Variants in SPTB observed in about 807,000 individuals in gnomAD.
SPTB encodes the protein spectrin beta chain, erythrocytic.
In SPTB, 45 loss-of-function variants were observed where a neutral mutation model predicts 256.2. The observed-to-expected ratio is 0.18, with a 90% CI of 0.14 to 0.23. The LOEUF (loss-of-function observed/expected upper bound fraction) is 0.23. Among genes scored for constraint, SPTB ranks in the 10% least tolerant of loss-of-function variants. SPTB has a pLI of 1.00. For missense variants in SPTB, 2,715 were observed against 3,040.4 expected (o/e 0.89, Z 2.52); for synonymous variants, 1,231 against 1,243.1 (o/e 0.99, Z 0.21).
intron 29 of SPTB, chr14:64,768,165 C>T: frequency 4.4e-6 from 2 of 454,352 alleles, no homozygotes; most frequent in South Asian, 4.1e-5. Context: ...TCTCAGCCTA[C>T]CAAGTGGCTG....
chr14:64,835,774 T>C (rs978256845), intron 1 of SPTB, among the ~76,000 whole-genome samples: 16 of 152,210 alleles, frequency 1.1e-4, no homozygotes, highest in Non-Finnish European at 1.9e-4. Flanking sequence ...TTTATGTATA[T>C]TGTTCCATTG....
chr14:64,773,148 G>A (rs1320430889), intron 25 of SPTB, 72 bp downstream of exon 25: 2 of 1,593,360 alleles, frequency 1.3e-6, no homozygotes, highest in East Asian at 2.2e-5. Flanking sequence ...CACTCTGTGT[G>A]TCTTGAGTGA....
At position 64,834,913 on chromosome 14, in the gene SPTB, T is replaced by C. The variant is rs565317675; in HGVS notation, c.-51-11768A>G. Among the ~76,000 whole-genome samples, 4 of 152,344 alleles carry C rather than the reference T, an allele frequency of 2.6e-5. No homozygotes were observed. In the South Asian group the frequency reaches 8.3e-4, roughly 32 times the overall value. ...TCTCGTGTCACAGAAATGTCAGTCTTAGAATGGTTTCCATCCATACATATT... is the reference window on the plus strand; with the variant it reads ...TCTCGTGTCACAGAAATGTCAGTCTCAGAATGGTTTCCATCCATACATATT... On this transcript the variant is annotated intron_variant, in intron 1 of 35. Coordinates refer to ENST00000644917, the MANE Select transcript of SPTB (RefSeq NM_001355436.2).
In SPTB at chr14:64,851,478, T is replaced by C. The variant is rs113746266; in HGVS notation, c.-52+28314A>G. ...GCAGTAGCAGTAGTAGTAGTAGTAG[T>C]AGCAGTAGCAGCAGCAGCAGCAGTA... On this transcript the variant is annotated intron_variant, in intron 1 of 35. Coordinates refer to ENST00000644917, the MANE Select transcript of SPTB (RefSeq NM_001355436.2). 2.6e-5 allele frequency among the ~76,000 whole-genome samples: 4 copies of C among 152,094 alleles called. No homozygotes were observed. The East Asian group carries it at 7.7e-4, about 29-fold the overall frequency.
chr14:64,813,980 A>C (rs2083140315), intron 2 of SPTB, among the ~76,000 whole-genome samples: 1 of 152,252 alleles, frequency 6.6e-6, no homozygotes, highest in Non-Finnish European at 1.5e-5. Context: ...CAGTTAGGGA[A>C]GGAATTTTCC....
intron 15 of SPTB, among the ~76,000 whole-genome samples, chr14:64,788,984 G>A (rs1380046526): frequency 6.6e-6 from 1 of 152,182 alleles, no homozygotes; most frequent in African/African-American, 2.4e-5. Context: ...GTTCACTCAT[G>A]TACTAAGCAT....
intron 2 of SPTB, among the ~76,000 whole-genome samples, chr14:64,815,390 C>T (rs945713501): frequency 2.6e-5 from 4 of 152,204 alleles, no homozygotes; most frequent in East Asian, 1.9e-4. Flanking sequence ...TTTAAAACCC[C>T]GGGATCCTAG....
At position 64,773,303 on chromosome 14, in the gene SPTB, T is replaced by G; in HGVS notation, c.5095A>C (p.Thr1699Pro). ...GAAATCCACTGCTCCAGGTCGTCGG[T>G]CTCCCGCTTGAGCTGGAACAGGTGG... ...MYHLFQLKRE[T>P]DDLEQWISEK... Residue 1699 changes from threonine to proline, a missense_variant, in exon 25 of 36, where the codon ACC becomes CCC. Transcript: ENST00000644917. 1 of 1,614,114 alleles carries G rather than the reference T, an allele frequency of 6.2e-7. No homozygotes were observed. The highest frequency in any genetic ancestry group is 1.1e-5 in the South Asian group (1 of 91,082).
rs779468634 is a variant in SPTB at position 64,774,365 on chromosome 14, C to T, written c.4973+32G>A. ...TGGGCCCCTGGCTCAATCCCCATCT[C>T]CTGACCGAGTCACCACAGGGGGCGC... On this transcript the variant is annotated intron_variant, in intron 24 of 35. Coordinates refer to ENST00000644917, the MANE Select transcript of SPTB (RefSeq NM_001355436.2). The T allele has an allele frequency of 3.2e-6, 5 of 1,575,584 alleles. No individual in the cohort carries two copies. The East Asian group carries it at 1.2e-4, about 36-fold the overall frequency.
At position 64,784,403 on chromosome 14, in the gene SPTB, T is replaced by C. The variant is rs1412059469; in HGVS notation, c.3856-10A>G. The C allele has an allele frequency of 1.9e-6, 3 of 1,614,070 alleles. No individual in the cohort carries two copies. Among genetic ancestry groups the C allele is most frequent in the East Asian group, 4.5e-5 (2 of 44,884 alleles). ...TGATCCAGAGAGTGAGCTGTGTGCA[T>C]AAAGAGTGGGCTGACTATCCCTGAG... On this transcript the variant is annotated splice_polypyrimidine_tract_variant and intron_variant, in intron 18 of 35. Coordinates refer to ENST00000644917, the MANE Select transcript of SPTB (RefSeq NM_001355436.2).
chr14:64,870,556 T>A (rs535659733), intron 1 of SPTB, among the ~76,000 whole-genome samples: 58 of 152,324 alleles, frequency 3.8e-4, no homozygotes, highest in African/African-American at 1.3e-3. Context: ...GGCACACTAA[T>A]AAATGAACAA....
At chr14:64,812,424 GGCCC>G (rs1010627594) in intron 2 of SPTB, among the ~76,000 whole-genome samples, 5 of 152,146 alleles carry the variant, frequency 3.3e-5, no homozygotes, top group African/African-American at 1.2e-4. Context: ...CAGGAGCATT[GGCCC>G]CTGGATGCAA....
At chr14:64,828,477 A>G (rs2083405845) in intron 1 of SPTB, among the ~76,000 whole-genome samples, 1 of 152,242 alleles carries the variant, frequency 6.6e-6, no homozygotes, top group African/African-American at 2.4e-5. Flanking sequence ...GAACCATTAA[A>G]GGAGAGGGGA....
At position 64,779,661 on chromosome 14, in the gene SPTB, A is replaced by G; in HGVS notation, c.4473+64T>C. The G allele has an allele frequency of 6.2e-7, 1 of 1,600,902 alleles. No individual in the cohort carries two copies. The highest frequency in any genetic ancestry group is 8.6e-7 in the Non-Finnish European group (1 of 1,169,034). ...CCAAAAATTGCTCTGGGTGGCAGCC[A>G]GCTACTCTGATGGCAGCTGGTGGCT... On this transcript the variant is annotated intron_variant, in intron 21 of 35. Coordinates refer to ENST00000644917, the MANE Select transcript of SPTB (RefSeq NM_001355436.2). The surrounding 1 kb of genome is among the most constrained non-coding windows in gnomAD (Gnocchi z 4.2).
chr14:64,766,838 C>T (rs1359128358), intron 31 of SPTB, 37 bp from the exon 32 acceptor site: 10 of 1,605,374 alleles, frequency 6.2e-6, no homozygotes, highest in Non-Finnish European at 8.5e-6. Context: ...AAACAAGCAC[C>T]CCTCTGAGGC....
intron 2 of SPTB, among the ~76,000 whole-genome samples, chr14:64,809,093 T>C (rs1594800165): frequency 6.6e-6 from 1 of 151,810 alleles, no homozygotes. Context: ...AAACCTCATC[T>C]CTATTAAAAA....
Position 64,825,947 on chromosome 14 carries a change from A to G in SPTB, c.-51-2802T>C, listed in dbSNP as rs942236450. 6.6e-6 allele frequency among the ~76,000 whole-genome samples: 1 copy of G among 152,246 alleles called. No homozygotes were observed. Among genetic ancestry groups the G allele is most frequent in the Non-Finnish European group, 1.5e-5 (1 of 68,046 alleles). On this transcript the variant is annotated intron_variant, in intron 1 of 35. Transcript: ENST00000644917. The surrounding 1 kb of genome is among the most constrained non-coding windows in gnomAD (Gnocchi z 4.8). The stretch of plus-strand genomic sequence containing the variant: ...CTCTGCCAGGAATGGGAAGAGATGT[A>G]TATGTGTGTCTAAATATACAGCTGG...
rs780425740 is a variant in SPTB, at chr14:64,765,854, CATGT to C, written c.6345+868_6345+871del. ...TGTGTGTGGGGGTGTGGTGTGTGCA[CATGT>C]ATGTGTGTGTGTGTGTGGAGGTTGC... On this transcript the variant is annotated intron_variant, in intron 32 of 35. Transcript: ENST00000644917. Among the ~76,000 whole-genome samples, 101 of 127,546 alleles carry C rather than the reference CATGT, an allele frequency of 7.9e-4. 2 individuals carry two copies. The highest frequency in any genetic ancestry group is 1.2e-3 in the Non-Finnish European group (70 of 60,758). 83.7% of individuals were successfully genotyped at this position (127,546 alleles called of 152,430 possible). A position where few individuals can be genotyped will look rare whatever the true frequency, so the allele number is the denominator to read the frequency against.
In SPTB at chr14:64,793,019, C is replaced by T. The variant is rs181243939; in HGVS notation, c.2644G>A (p.Asp882Asn). Residue 882 changes from aspartate (D) to asparagine (N), a missense_variant, in exon 14 of 36, where the codon GAC (aspartate) becomes AAC (asparagine). By Grantham distance (23) the Asp-to-Asn change is conservative. Coordinates refer to ENST00000644917, the MANE Select transcript of SPTB (RefSeq NM_001355436.2). The surrounding 1 kb of genome is among the most constrained non-coding windows in gnomAD (Gnocchi z 7.0). Reference sequence around the variant, plus strand: ...GACCTGTGCTGCACGACCTCCAGGTCCTCCAGGGTGTCTGGCATTTCCATC... The same window carrying T: ...GACCTGTGCTGCACGACCTCCAGGTTCTCCAGGGTGTCTGGCATTTCCATC... ...AEMEMPDTLE[D>N]LEVVQHRFDI... The T allele has an allele frequency of 6.2e-7, 1 of 1,613,984 alleles. No homozygotes were observed. Among genetic ancestry groups the T allele is most frequent in the Non-Finnish European group, 8.5e-7 (1 of 1,180,032 alleles).
Sources: gnomAD v4.1 joint callset for allele counts (sites outside exome capture counted in the v4.1 genomes callset) on GRCh38, gnomAD v4.1.1 for gene constraint, Gnocchi (gnomAD v3.1) non-coding constraint, MANE v1.5 for transcripts, NCBI Gene and HGNC (gene_info 2026-07-23, HGNC 2026-07-21) for gene names.